The following ZRANB3 variants were observed in gnomAD, a reference collection of about 807,000 sequenced individuals.
ZRANB3 encodes the protein DNA annealing helicase and endonuclease ZRANB3.
In ZRANB3, 125 loss-of-function variants were observed where a neutral mutation model predicts 133.8. The ratio of observed to expected loss-of-function variants is 0.93; its 90% CI spans 0.81 to 1.08. The LOEUF (loss-of-function observed/expected upper bound fraction) is 1.08, where lower values mean the gene tolerates loss of function less well. ZRANB3 is among the 50% of genes least tolerant of loss of function. The pLI is 0.00. For missense variants in ZRANB3, 1,229 were observed against 1,275.5 expected (o/e 0.96, Z 0.56); for synonymous variants, 387 against 432.7 (o/e 0.89, Z 1.31).
At chr2:135,402,509 T>A (rs937785789) in intron 2 of ZRANB3, among the ~76,000 whole-genome samples, 3 of 151,974 alleles carry the variant, frequency 2.0e-5, no homozygotes, top group Non-Finnish European at 4.4e-5. Flanking sequence ...TTAGCCAGAA[T>A]GGTCTTGATC....
Position 135,483,465 on chromosome 2 carries a change from C to T in ZRANB3, c.161+20864G>A, listed in dbSNP as rs557579946. Among the ~76,000 whole-genome samples, 160 of 152,104 alleles carry T rather than the reference C, an allele frequency of 1.1e-3. 1 individual carries two copies. The highest frequency in any genetic ancestry group is 3.7e-3 in the African/African-American group (155 of 41,464). ...ATTTCTGTGGGATCAGTGGTGATAT[C>T]CCCTTTATCATTTTTTATTGCGTCT... On this transcript the variant is annotated intron_variant, in intron 2 of 20. Transcript: ENST00000264159.
At chr2:135,370,052 T>A (rs1328154277) in intron 3 of ZRANB3, among the ~76,000 whole-genome samples, 2 of 148,338 alleles carry the variant, frequency 1.3e-5, no homozygotes, top group Admixed American at 6.7e-5. Context: ...TTTTTTTTTT[T>A]AATATCCTCG....
At chr2:135,313,124 GA>G in intron 8 of ZRANB3, among the ~76,000 whole-genome samples, 1 of 151,734 alleles carries the variant, frequency 6.6e-6, no homozygotes, top group East Asian at 1.9e-4. Context: ...CTGTATATTG[GA>G]AAAGATAAAT....
At chr2:135,446,787 T>C (rs1048657376) in intron 2 of ZRANB3, among the ~76,000 whole-genome samples, 1 of 152,146 alleles carries the variant, frequency 6.6e-6, no homozygotes, top group Non-Finnish European at 1.5e-5. Flanking sequence ...GATCAATAGA[T>C]TGTAGGTCCT....
chr2:135,497,294 AAG>A lies in ZRANB3; in HGVS notation c.161+7033_161+7034del, dbSNP rs565650904. ...AATAATAGCTGAGACAATTTTGAAA[AAG>A]AGTAAGGCTGAAAGATTTATACTGC... is the stretch of plus-strand genomic sequence containing the variant. On this transcript the variant is annotated intron_variant, in intron 2 of 20. Transcript: ENST00000264159. Among the ~76,000 whole-genome samples, 532 of 152,328 alleles carry A rather than the reference AAG, an allele frequency of 3.5e-3. 1 individual carries two copies. Among genetic ancestry groups the A allele is most frequent in the Admixed American group, 6.3e-3 (96 of 15,308 alleles).
At chr2:135,251,494 T>C (rs1679392263) in intron 12 of ZRANB3, among the ~76,000 whole-genome samples, 1 of 152,132 alleles carries the variant, frequency 6.6e-6, no homozygotes, top group African/African-American at 2.4e-5. Context: ...TCAACTTGAA[T>C]TGTATCTCCC....
chr2:135,490,260 A>G (rs1040356526), intron 2 of ZRANB3, among the ~76,000 whole-genome samples: 2 of 152,226 alleles, frequency 1.3e-5, no homozygotes, highest in Admixed American at 6.5e-5. Flanking sequence ...CAAAATGTCT[A>G]TCTGATGAGA....
At chr2:135,357,069 TG>T (rs1299563550) in intron 3 of ZRANB3, among the ~76,000 whole-genome samples, 1 of 152,186 alleles carries the variant, frequency 6.6e-6, no homozygotes, top group East Asian at 1.9e-4. Flanking sequence ...AACGTCTTTT[TG>T]TCCACCTTTT....
At chr2:135,415,462 T>A (rs1558984284) in intron 2 of ZRANB3, among the ~76,000 whole-genome samples, 1 of 152,126 alleles carries the variant, frequency 6.6e-6, no homozygotes. Context: ...GTGGCAATAA[T>A]CAATAGCTTA....
chr2:135,289,112 T>C (rs1380113850), intron 8 of ZRANB3, among the ~76,000 whole-genome samples: 1 of 152,072 alleles, frequency 6.6e-6, no homozygotes, highest in Non-Finnish European at 1.5e-5. Context: ...CCTAGAGGTT[T>C]TGATGGGCTG....
At position 135,202,933 on chromosome 2, in the gene ZRANB3, C is replaced by A. The variant is rs773956606; in HGVS notation, c.3040G>T (p.Gly1014Ter). ...ATGTGATCCACCTGCCAGAAATGTCCTTCCCCTGGGTTTCTTATCATTTCA... is the reference window on the plus strand; with the variant it reads ...ATGTGATCCACCTGCCAGAAATGTCATTCCCCTGGGTTTCTTATCATTTCA... ...LNEMIRNPGE[G>*]HFWQVDHIKP... is the part of the protein sequence containing the mutation. The change falls in exon 20 of 21, where the codon GGA becomes TGA. Residue 1014 changes from glycine to a stop codon, truncating the protein, a stop_gained. Transcript: ENST00000264159. LOFTEE classifies it high-confidence loss of function. 2 of 1,612,738 alleles carry A rather than the reference C, an allele frequency of 1.2e-6. No individual in the cohort carries two copies. Among genetic ancestry groups the A allele is most frequent in the African/African-American group, 2.7e-5 (2 of 74,894 alleles).
chr2:135,455,011 A>G (rs992011021), intron 2 of ZRANB3, among the ~76,000 whole-genome samples: 1 of 152,098 alleles, frequency 6.6e-6, no homozygotes, highest in Non-Finnish European at 1.5e-5. Context: ...AGCCAACAAA[A>G]GAGGCACCAG....
Position 135,200,100 on chromosome 2 carries a change from C to T in ZRANB3, c.*242G>A. Reference sequence around the variant, plus strand: ...AGAGCTTTACAAAACATTGCTGAAACATAATTGCGAGTCTGAATCAAATCA... The same window carrying T: ...AGAGCTTTACAAAACATTGCTGAAATATAATTGCGAGTCTGAATCAAATCA... On this transcript the variant is annotated 3_prime_UTR_variant, in exon 21 of 21. Transcript: ENST00000264159. The T allele has an allele frequency of 1.7e-6, 1 of 571,870 alleles. No homozygotes were observed. The highest frequency in any genetic ancestry group is 3.1e-6 in the Non-Finnish European group (1 of 317,502). The allele number at this position is 571,870 out of a possible 1,614,324, so 35.4% of individuals were successfully genotyped here. A position where few individuals can be genotyped will look rare whatever the true frequency, so the allele number is the denominator to read the frequency against.
intron 10 of ZRANB3, among the ~76,000 whole-genome samples, chr2:135,270,387 A>G (rs1198445832): frequency 6.6e-6 from 1 of 152,174 alleles, no homozygotes; most frequent in Non-Finnish European, 1.5e-5. Context: ...ACTTTCCTTT[A>G]TTCCTATGGA....
At chr2:135,475,648 G>C (rs1691471107) in intron 2 of ZRANB3, among the ~76,000 whole-genome samples, 2 of 152,288 alleles carry the variant, frequency 1.3e-5, no homozygotes, top group South Asian at 4.1e-4. Context: ...GCACTACACA[G>C]ATACTTTCCA....
chr2:135,511,748 T>C, intron 1 of ZRANB3: 1 of 764,706 alleles, frequency 1.3e-6, no homozygotes, highest in East Asian at 2.5e-5. Context: ...TTTCGTGACA[T>C]CACTTTCCTG....
At chr2:135,201,776 C>T (rs565417963) in intron 20 of ZRANB3, among the ~76,000 whole-genome samples, 4 of 151,964 alleles carry the variant, frequency 2.6e-5, no homozygotes, top group African/African-American at 4.8e-5. Context: ...TTAAAAACAT[C>T]GATGTCTTTA....
chr2:135,362,874 T>TA (rs1233082807), intron 3 of ZRANB3, among the ~76,000 whole-genome samples: 4 of 152,286 alleles, frequency 2.6e-5, no homozygotes, highest in African/African-American at 9.6e-5. Flanking sequence ...TCCTCCAGTC[T>TA]CTAGTAAAGT....
intron 2 of ZRANB3, among the ~76,000 whole-genome samples, chr2:135,494,255 C>T (rs1692558750): frequency 7.3e-6 from 1 of 137,416 alleles, no homozygotes; most frequent in South Asian, 2.6e-4. Context: ...TTGCAGTGAG[C>T]TGAGATCGCG....
Sources: gnomAD v4.1 joint callset for allele counts (sites outside exome capture counted in the v4.1 genomes callset) on GRCh38, gnomAD v4.1.1 for gene constraint, MANE v1.5 for transcripts, NCBI Gene and HGNC (gene_info 2026-07-23, HGNC 2026-07-21) for gene names.